The following COL26A1 variants were observed in gnomAD, a reference collection of about 807,000 sequenced individuals.
COL26A1 encodes the protein collagen alpha-1(XXVI) chain.
In COL26A1, 41 loss-of-function variants were observed where a neutral mutation model predicts 59.3. The ratio of observed to expected loss-of-function variants is 0.69; its 90% CI spans 0.54 to 0.90. COL26A1 has a LOEUF of 0.90. Ranked by LOEUF, COL26A1 falls within the 40% of genes least tolerant of loss-of-function variation. The pLI is 0.00. For missense variants in COL26A1, 612 were observed against 602.3 expected, an observed-to-expected ratio of 1.02 and a Z score of -0.17; for synonymous variants, 266 against 256.0, an observed-to-expected ratio of 1.04 and a Z score of -0.37.
chr7:101,544,966 C>T (rs1017862820), intron 6 of COL26A1, among the ~76,000 whole-genome samples: 2 of 152,182 alleles, frequency 1.3e-5, no homozygotes, highest in African/African-American at 4.8e-5. Context: ...CGGGGAAGGA[C>T]CCCTGGTTCA....
chr7:101,501,429 G>A (rs1794704998), intron 3 of COL26A1, among the ~76,000 whole-genome samples: 1 of 152,106 alleles, frequency 6.6e-6, no homozygotes, highest in Non-Finnish European at 1.5e-5. Flanking sequence ...GCAAGGCCAG[G>A]AGGAGCTCAG....
rs1391471158 is a variant in COL26A1, at chr7:101,436,835, C to A, written c.282-10849C>A. 3.3e-5 allele frequency among the ~76,000 whole-genome samples: 5 copies of A among 152,130 alleles called. No homozygotes were observed. In the East Asian group the frequency reaches 5.8e-4, roughly 18 times the overall value. On this transcript the variant is annotated intron_variant, in intron 2 of 12. Coordinates refer to ENST00000313669, the MANE Select transcript of COL26A1 (RefSeq NM_001278563.3). ...ATTTCAAGCAATTCTCCTGCCTCAG[C>A]CCCCTGAGTAGCTGGGATTCCAGGT...
chr7:101,501,935 G>A (rs1395058129), intron 3 of COL26A1, among the ~76,000 whole-genome samples: 1 of 152,046 alleles, frequency 6.6e-6, no homozygotes, highest in Non-Finnish European at 1.5e-5. Context: ...TACATGGGCT[G>A]CGTGTGCAGC....
chr7:101,441,710 C>T (rs1340481606), intron 2 of COL26A1, among the ~76,000 whole-genome samples: 1 of 152,114 alleles, frequency 6.6e-6, no homozygotes, highest in East Asian at 1.9e-4. Flanking sequence ...AGGGCTCCCG[C>T]CTGGTGGGTG....
At chr7:101,472,818 C>CT (rs1793937042) in intron 3 of COL26A1, among the ~76,000 whole-genome samples, 2 of 151,758 alleles carry the variant, frequency 1.3e-5, no homozygotes, top group Admixed American at 6.6e-5. Flanking sequence ...CCCAGGGGAC[C>CT]TCCGGATCTG....
In COL26A1 at chr7:101,385,146, A is replaced by G. The variant is rs1399308496; in HGVS notation, c.158+21956A>G. ...CTGACTCAACTGTTAATCTCCTCTG[A>G]AAACACCCAGAAACAACTAGAAACA... is the stretch of plus-strand genomic sequence containing the variant. On this transcript the variant is annotated intron_variant, in intron 1 of 12. Transcript: ENST00000313669. Among the ~76,000 whole-genome samples the G allele has an allele frequency of 2.0e-5, 3 of 150,744 alleles. No homozygotes were observed. In the East Asian group the frequency reaches 5.9e-4, roughly 30 times the overall value.
At chr7:101,533,214 G>A in intron 4 of COL26A1, 71 bp downstream of exon 4, 3 of 1,163,122 alleles carry the variant, frequency 2.6e-6, no homozygotes, top group East Asian at 2.5e-5. Flanking sequence ...GAGGCATCAG[G>A]CAACCACTGG....
At chr7:101,410,859 A>G (rs1464208899) in intron 1 of COL26A1, among the ~76,000 whole-genome samples, 3 of 152,108 alleles carry the variant, frequency 2.0e-5, no homozygotes, top group African/African-American at 7.2e-5. Context: ...CACCACACCC[A>G]GCTAATTTTT....
chr7:101,545,561 T>A, intron 7 of COL26A1, 71 bp downstream of exon 7: 2 of 1,490,362 alleles, frequency 1.3e-6, no homozygotes, highest in Non-Finnish European at 1.8e-6. Flanking sequence ...CAGCCTTCCT[T>A]AAAGGATCCT....
At chr7:101,438,852 G>A (rs1282974406) in intron 2 of COL26A1, among the ~76,000 whole-genome samples, 1 of 146,028 alleles carries the variant, frequency 6.8e-6, no homozygotes, top group Non-Finnish European at 1.6e-5. Flanking sequence ...TGTATTTTTA[G>A]TAGAGATTTT....
At chr7:101,553,834 G>A (rs1020465326) in intron 11 of COL26A1, among the ~76,000 whole-genome samples, 1 of 152,138 alleles carries the variant, frequency 6.6e-6, no homozygotes. Context: ...GATGGAGGAA[G>A]AGGGACTTGC....
intron 3 of COL26A1, among the ~76,000 whole-genome samples, chr7:101,452,058 G>GA (rs1173984915): frequency 6.6e-6 from 1 of 152,148 alleles, no homozygotes; most frequent in Non-Finnish European, 1.5e-5. Flanking sequence ...CAACTTGGCA[G>GA]AATCTGAGCT....
At chr7:101,405,837 T>C (rs1584379335) in intron 1 of COL26A1, among the ~76,000 whole-genome samples, 1 of 152,276 alleles carries the variant, frequency 6.6e-6, no homozygotes, top group African/African-American at 2.4e-5. Flanking sequence ...AATCCATCAG[T>C]GGCCCCGCCA....
At chr7:101,439,999 G>C (rs779409390) in intron 2 of COL26A1, among the ~76,000 whole-genome samples, 12 of 152,138 alleles carry the variant, frequency 7.9e-5, no homozygotes, top group Admixed American at 1.3e-4. Context: ...CCTTAAGGCT[G>C]ACAGAGGTTA....
chr7:101,414,881 C>T (rs1207233966), intron 1 of COL26A1, among the ~76,000 whole-genome samples: 1 of 152,196 alleles, frequency 6.6e-6, no homozygotes, highest in Non-Finnish European at 1.5e-5. Flanking sequence ...ACAGTTTGTA[C>T]TGGGTAGGTG....
chr7:101,508,790 T>G (rs1290251414), intron 3 of COL26A1, among the ~76,000 whole-genome samples: 1 of 152,188 alleles, frequency 6.6e-6, no homozygotes, highest in Non-Finnish European at 1.5e-5. Flanking sequence ...CTTTTCAAAT[T>G]CAGGTCTTTA....
intron 2 of COL26A1, among the ~76,000 whole-genome samples, chr7:101,422,980 C>T (rs28625768): frequency 6.6e-6 from 1 of 152,156 alleles, no homozygotes; most frequent in East Asian, 1.9e-4. Context: ...AACACAATAA[C>T]GCAGCCGGGC....
chr7:101,469,496 T>C (rs1584435422), intron 3 of COL26A1, among the ~76,000 whole-genome samples: 1 of 45,472 alleles, frequency 2.2e-5, no homozygotes, highest in East Asian at 4.1e-4. Flanking sequence ...GATTTCTCTC[T>C]TTTTTTTTTT....
intron 2 of COL26A1, among the ~76,000 whole-genome samples, chr7:101,431,230 T>C (rs1392475732): frequency 6.6e-6 from 1 of 152,170 alleles, no homozygotes; most frequent in African/African-American, 2.4e-5. Flanking sequence ...AAGATGATAT[T>C]AAATGTAAGG....
Sources: allele counts gnomAD v4.1 joint callset (sites outside exome capture counted in the v4.1 genomes callset), GRCh38; gene constraint gnomAD v4.1.1; transcripts MANE v1.5; gene names NCBI Gene and HGNC (gene_info 2026-07-23, HGNC 2026-07-21).